The following DMD variants were observed in gnomAD, a reference collection of about 807,000 sequenced individuals.
The protein encoded by DMD is dystrophin.
Under a neutral mutation model 330.1 loss-of-function variants are expected in DMD, and 63 were observed. The ratio of observed to expected loss-of-function variants is 0.19; its 90% CI spans 0.16 to 0.24. The LOEUF is 0.24. Ranked by LOEUF, DMD falls within the 10% of genes least tolerant of loss-of-function variation. DMD has a pLI of 1.00. For synonymous variants in DMD, 1,223 were observed against 959.8 expected, an observed-to-expected ratio of 1.27 and a Z score of -5.07; for missense variants, 3,344 against 2,684.1, an observed-to-expected ratio of 1.25 and a Z score of -5.43.
intron 39 of DMD, 61 bp from the exon 40 acceptor site, chrX:32,343,347 C>G (rs2097753829): frequency 9.7e-7 from 1 of 1,026,232 alleles, no homozygotes; most frequent in East Asian, 3.1e-5. Flanking sequence ...CTTCTGGCTG[C>G]AGTTATTTAT....
chrX:32,318,688 T>C (rs1459098974), intron 41 of DMD, among the ~76,000 whole-genome samples: 1 of 111,454 alleles, frequency 9.0e-6, no homozygotes, highest in Non-Finnish European at 1.9e-5. Flanking sequence ...CAATGAACAA[T>C]TTACCCCCTT....
intron 2 of DMD, among the ~76,000 whole-genome samples, chrX:32,879,186 A>ACTAT (rs1174895069): frequency 9.0e-6 from 1 of 111,031 alleles, no homozygotes; most frequent in African/African-American, 3.3e-5. Context: ...CTGAAAGTCT[A>ACTAT]CTATCTTCCT....
intron 2 of DMD, among the ~76,000 whole-genome samples, chrX:33,008,801 T>C (rs1412142081): frequency 1.5e-5 from 1 of 67,392 alleles, no homozygotes; most frequent in Non-Finnish European, 2.8e-5. Context: ...TACGTATATA[T>C]ACGTATATAT....
At chrX:32,863,699 T>G (rs961065989) in intron 2 of DMD, among the ~76,000 whole-genome samples, 1 of 110,465 alleles carries the variant, frequency 9.1e-6, no homozygotes, top group Non-Finnish European at 1.9e-5. Context: ...AGAGGAAACA[T>G]TATGGACAAA....
At chrX:32,471,003 G>A (rs1381019362) in intron 22 of DMD, among the ~76,000 whole-genome samples, 1 of 111,716 alleles carries the variant, frequency 9.0e-6, no homozygotes, top group Non-Finnish European at 1.9e-5. Context: ...AGGGCTGGGC[G>A]CAGTGGCTCA....
chrX:31,948,614 A>T (rs2095119602), intron 45 of DMD, among the ~76,000 whole-genome samples: 3 of 110,905 alleles, frequency 2.7e-5, no homozygotes, highest in Admixed American at 1.9e-4. Flanking sequence ...AGAGGTTTTG[A>T]TTTGCATTTC....
chrX:31,182,921 G>A lies in DMD; in HGVS notation c.9808-17C>T. On this transcript the variant is annotated splice_polypyrimidine_tract_variant and intron_variant, in intron 67 of 78. Transcript: ENST00000357033. ...ATTATTAGCCTGCAAAGACAGGAGGGAGAGAGAAGGAGGGCAAAAGGATGA... is the reference window on the plus strand; with the variant it reads ...ATTATTAGCCTGCAAAGACAGGAGGAAGAGAGAAGGAGGGCAAAAGGATGA... 1 of 1,193,717 alleles carries A rather than the reference G, an allele frequency of 8.4e-7. No homozygotes were observed. Among genetic ancestry groups the A allele is most frequent in the Non-Finnish European group, 1.1e-6 (1 of 882,252 alleles).
intron 29 of DMD, among the ~76,000 whole-genome samples, chrX:32,434,604 T>G (rs1264362098): frequency 8.9e-6 from 1 of 111,944 alleles, no homozygotes; most frequent in Non-Finnish European, 1.9e-5. Context: ...CTTCAGCCTC[T>G]CAGATAATTT....
intron 55 of DMD, among the ~76,000 whole-genome samples, chrX:31,560,940 G>C (rs980142883): frequency 9.0e-6 from 1 of 111,451 alleles, no homozygotes; most frequent in Non-Finnish European, 1.9e-5. Flanking sequence ...TAGTAGTTAC[G>C]TTTTGGGGGA....
chrX:33,042,965 A>G (rs948371675), intron 1 of DMD, among the ~76,000 whole-genome samples: 2 of 112,115 alleles, frequency 1.8e-5, no homozygotes, highest in African/African-American at 6.5e-5. Context: ...GCATGGTTCT[A>G]TAATTATTTT....
At chrX:31,266,159 CAAAAA>C (rs1174153877) in intron 62 of DMD, among the ~76,000 whole-genome samples, 273 of 13,292 alleles carry the variant, frequency 0.021, no homozygotes, top group African/African-American at 0.096. Context: ...TCCCGAAGGG[CAAAAA>C]AAAAAAAAAA....
chrX:31,977,809 T>G (rs1470792080), intron 44 of DMD, among the ~76,000 whole-genome samples: 1 of 103,821 alleles, frequency 9.6e-6, no homozygotes, highest in Admixed American at 1.0e-4. Flanking sequence ...AAAAAAAGAA[T>G]GCACAAGCAT....
chrX:31,155,853 G>A (rs1473386476), intron 74 of DMD, among the ~76,000 whole-genome samples: 1 of 109,962 alleles, frequency 9.1e-6, no homozygotes, highest in African/African-American at 3.3e-5. Flanking sequence ...GCCATATGTC[G>A]TGACACATGC....
intron 57 of DMD, among the ~76,000 whole-genome samples, chrX:31,482,931 G>A (rs1390825684): frequency 1.8e-5 from 2 of 110,415 alleles, no homozygotes; most frequent in Non-Finnish European, 3.8e-5. Flanking sequence ...AGGAAAATTG[G>A]ACAGTCTCAG....
intron 4 of DMD, among the ~76,000 whole-genome samples, chrX:32,823,730 C>T (rs1003936622): frequency 1.2e-4 from 13 of 111,577 alleles, no homozygotes; most frequent in Non-Finnish European, 2.4e-4. Flanking sequence ...ACCAGTACTT[C>T]CACCTAGCTC....
intron 44 of DMD, among the ~76,000 whole-genome samples, chrX:31,995,660 A>G (rs1358546900): frequency 8.9e-6 from 1 of 111,792 alleles, no homozygotes; most frequent in Non-Finnish European, 1.9e-5. Flanking sequence ...ACTCAAGAGC[A>G]AATTAACTTT....
At chrX:31,506,885 A>G (rs2071002504) in intron 56 of DMD, among the ~76,000 whole-genome samples, 1 of 112,164 alleles carries the variant, frequency 8.9e-6, no homozygotes, top group Non-Finnish European at 1.9e-5. Flanking sequence ...GGTTTTAAAG[A>G]CTGTCCTCTG....
intron 17 of DMD, among the ~76,000 whole-genome samples, chrX:32,527,483 A>G (rs1201516089): frequency 9.1e-6 from 1 of 110,385 alleles, no homozygotes; most frequent in Non-Finnish European, 1.9e-5. Context: ...CAAGATGCAC[A>G]TCATCTGTGA....
At chrX:33,281,022 G>A (rs963480859) in intron 1 of DMD, among the ~76,000 whole-genome samples, 2 of 111,676 alleles carry the variant, frequency 1.8e-5, no homozygotes, top group Non-Finnish European at 3.8e-5. Flanking sequence ...GATCAACTTA[G>A]AGAGAATTCA....
Sources: allele counts gnomAD v4.1 joint callset (sites outside exome capture counted in the v4.1 genomes callset), GRCh38; gene constraint gnomAD v4.1.1; transcripts MANE v1.5; gene names NCBI Gene and HGNC (gene_info 2026-07-23, HGNC 2026-07-21).